The following FGF14 variants were observed in gnomAD, a reference collection of about 807,000 sequenced individuals.
FGF14 encodes fibroblast growth factor 14, also known as fibroblast growth factor homologous factor 4.
A neutral mutation model predicts 25.5 loss-of-function variants in FGF14; 5 were observed. That is an observed-to-expected ratio of 0.20 (90% CI 0.10 to 0.41). The LOEUF (loss-of-function observed/expected upper bound fraction) is 0.41. Among genes scored for constraint, FGF14 ranks in the 10% least tolerant of loss-of-function variants. The probability of loss-of-function intolerance (pLI) is 1.00; values close to 1 mark genes in which losing one functional copy is unlikely to be tolerated. For synonymous variants in FGF14, 138 were observed against 118.3 expected, an observed-to-expected ratio of 1.17 and a Z score of -1.08; for missense variants, 222 against 320.1, an observed-to-expected ratio of 0.69 and a Z score of 2.34.
At chr13:102,043,935 A>G (rs1270919237) in intron 1 of FGF14, among the ~76,000 whole-genome samples, 2 of 152,270 alleles carry the variant, frequency 1.3e-5, no homozygotes, top group Non-Finnish European at 1.5e-5. Context: ...CAAGTGCAGC[A>G]ATCAGAAGGA....
chr13:102,001,725 G>A (rs867579407), intron 1 of FGF14, among the ~76,000 whole-genome samples: 11 of 152,200 alleles, frequency 7.2e-5, no homozygotes, highest in African/African-American at 2.2e-4. Flanking sequence ...TTCATCTGGA[G>A]TAGATTGGGA....
At chr13:101,753,717 T>C (rs1289449968) in intron 3 of FGF14, among the ~76,000 whole-genome samples, 3 of 151,536 alleles carry the variant, frequency 2.0e-5, no homozygotes, top group Non-Finnish European at 4.4e-5. Context: ...GCAGGAGAAT[T>C]ACTTGAACCC....
At chr13:102,399,681 C>G (rs1015933714) in intron 1 of FGF14, among the ~76,000 whole-genome samples, 10 of 152,188 alleles carry the variant, frequency 6.6e-5, no homozygotes, top group African/African-American at 2.4e-4. Flanking sequence ...CTGTTTTCCC[C>G]TTGGGCAATT....
chr13:101,818,171 C>T lies in FGF14; in HGVS notation c.408+50554G>A, dbSNP rs74828258. Among the ~76,000 whole-genome samples, 78 of 152,298 alleles carry T rather than the reference C, an allele frequency of 5.1e-4. 2 individuals carry two copies. In the East Asian group the frequency reaches 0.015, roughly 29 times the overall value. On this transcript the variant is annotated intron_variant, in intron 3 of 4. Transcript: ENST00000376143. ...AGAAGCTCAGTGAAGCTTGAATCCACTAAGAATATTCTGTGTCATACTGTC... is the reference window on the plus strand; with the variant it reads ...AGAAGCTCAGTGAAGCTTGAATCCATTAAGAATATTCTGTGTCATACTGTC...
At chr13:101,943,783 G>T (rs2035600827) in intron 1 of FGF14, among the ~76,000 whole-genome samples, 1 of 140,886 alleles carries the variant, frequency 7.1e-6, no homozygotes, top group South Asian at 2.1e-4. Context: ...AGACCAGCCT[G>T]ACCAACATGG....
At position 101,849,517 on chromosome 13, in the gene FGF14, C is replaced by T. The variant is rs185889555; in HGVS notation, c.408+19208G>A. On this transcript the variant is annotated intron_variant, in intron 3 of 4. Transcript: ENST00000376143. ...ACAGGGGCACTGATGTAGAAGATGC[C>T]GGATGTTTATACTTAGAATCCATAC... is the stretch of plus-strand genomic sequence containing the variant. 6.8e-3 allele frequency among the ~76,000 whole-genome samples: 1,032 copies of T among 152,024 alleles called. 10 individuals carry two copies. Among genetic ancestry groups the T allele is most frequent in the South Asian group, 0.018 (86 of 4,820 alleles).
chr13:101,976,309 T>A (rs1020402956), intron 1 of FGF14, among the ~76,000 whole-genome samples: 1 of 152,194 alleles, frequency 6.6e-6, no homozygotes, highest in African/African-American at 2.4e-5. Flanking sequence ...CAGTTACACT[T>A]ATTAATAAGT....
intron 1 of FGF14, among the ~76,000 whole-genome samples, chr13:102,090,597 C>G (rs771373824): frequency 6.6e-6 from 1 of 152,198 alleles, no homozygotes; most frequent in Non-Finnish European, 1.5e-5. Context: ...AATGGTCACT[C>G]AGAGTTGTGC....
intron 1 of FGF14, among the ~76,000 whole-genome samples, chr13:101,962,956 A>G (rs1023418471): frequency 6.6e-6 from 1 of 152,186 alleles, no homozygotes; most frequent in Non-Finnish European, 1.5e-5. Flanking sequence ...TGTTATTACT[A>G]TATTTCATCT....
intron 1 of FGF14, among the ~76,000 whole-genome samples, chr13:101,924,242 T>G (rs1201939380): frequency 1.3e-5 from 2 of 152,118 alleles, no homozygotes; most frequent in South Asian, 2.1e-4. Flanking sequence ...TATTTAGCAC[T>G]GTAATGAGTT....
intron 1 of FGF14, among the ~76,000 whole-genome samples, chr13:101,913,276 G>A (rs1324363146): frequency 1.3e-5 from 2 of 152,120 alleles, no homozygotes; most frequent in Admixed American, 1.3e-4. Flanking sequence ...GTGGAGGTCG[G>A]TGGAGGGTAG....
intron 1 of FGF14, among the ~76,000 whole-genome samples, chr13:102,211,429 C>T (rs1566821955): frequency 6.6e-6 from 1 of 152,058 alleles, no homozygotes; most frequent in Non-Finnish European, 1.5e-5. Context: ...TTGATGTGTT[C>T]ATATGATCAC....
chr13:102,257,632 C>T lies in FGF14; in HGVS notation c.208+143839G>A, dbSNP rs999419917. ...AGAGGTGTGAGCCACCACGCCCAGC[C>T]GTTTGCATGTGCATTTCTAACCAAT... On this transcript the variant is annotated intron_variant, in intron 1 of 4. Transcript: ENST00000376131. 7.2e-5 allele frequency among the ~76,000 whole-genome samples: 11 copies of T among 152,088 alleles called. No individual in the cohort carries two copies. The South Asian group carries it at 1.7e-3, about 23-fold the overall frequency.
At chr13:101,853,501 G>A (rs1009808153) in intron 3 of FGF14, among the ~76,000 whole-genome samples, 1 of 151,994 alleles carries the variant, frequency 6.6e-6, no homozygotes, top group African/African-American at 2.4e-5. Flanking sequence ...CTCCCAGACT[G>A]GGGTGCAGTG....
At chr13:102,241,618 T>A (rs1192130359) in intron 1 of FGF14, among the ~76,000 whole-genome samples, 1 of 152,198 alleles carries the variant, frequency 6.6e-6, no homozygotes, top group African/African-American at 2.4e-5. Context: ...TTTGCTAATT[T>A]GAGCTCAAGA....
chr13:102,037,772 C>T (rs1190934463), intron 1 of FGF14, among the ~76,000 whole-genome samples: 1 of 152,112 alleles, frequency 6.6e-6, no homozygotes, highest in African/African-American at 2.4e-5. Context: ...AGACCAGTAT[C>T]CAAGTGGATT....
intron 1 of FGF14, among the ~76,000 whole-genome samples, chr13:102,078,890 G>A (rs1270484773): frequency 1.3e-5 from 2 of 152,214 alleles, no homozygotes; most frequent in Non-Finnish European, 2.9e-5. Context: ...AGAGAAAGTG[G>A]CAAGGTTGAA....
rs563056836 is a variant in FGF14 at position 102,063,879 on chromosome 13, T to C, written c.209-188583A>G. On this transcript the variant is annotated intron_variant, in intron 1 of 4. Transcript: ENST00000376131. ...TAATATATTATGTCAACAATGAAGC[T>C]GACATGTCATGCGATGAACTATTAT... Among the ~76,000 whole-genome samples, 3 of 152,292 alleles carry C rather than the reference T, an allele frequency of 2.0e-5. No individual in the cohort carries two copies. The South Asian group carries it at 6.2e-4, about 32-fold the overall frequency.
At chr13:101,851,982 G>A (rs2140367194) in intron 3 of FGF14, among the ~76,000 whole-genome samples, 1 of 152,232 alleles carries the variant, frequency 6.6e-6, no homozygotes, top group South Asian at 2.1e-4. Context: ...GGCTCAGTCA[G>A]GTCAGCCGTG....
Sources: gnomAD v4.1 joint callset for allele counts (sites outside exome capture counted in the v4.1 genomes callset) on GRCh38, gnomAD v4.1.1 for gene constraint, MANE v1.5 for transcripts, NCBI Gene and HGNC (gene_info 2026-07-23, HGNC 2026-07-21) for gene names.